Variants in SAMMSON observed in about 807,000 individuals in gnomAD.
SAMMSON encodes the protein long intergenic non-protein coding RNA 1212.
intron 3 of SAMMSON, among the ~76,000 whole-genome samples, chr3:70,019,159 T>C (rs1280939338): frequency 1.3e-5 from 2 of 152,212 alleles, no homozygotes; most frequent in Non-Finnish European, 2.9e-5. Flanking sequence ...GTCTCGTTGA[T>C]GTGTCTAATG....
At chr3:70,408,564 C>T (rs1288422467) in intron 2 of SAMMSON, among the ~76,000 whole-genome samples, 2 of 152,170 alleles carry the variant, frequency 1.3e-5, no homozygotes, top group Non-Finnish European at 1.5e-5. Context: ...ACAAGAGTCA[C>T]CTTTTCTCCA....
chr3:70,169,343 G>A (rs1263525789), intron 4 of SAMMSON, among the ~76,000 whole-genome samples: 1 of 151,984 alleles, frequency 6.6e-6, no homozygotes, highest in African/African-American at 2.4e-5. Context: ...TATCAAAAAA[G>A]CATATGACGT....
intron 6 of SAMMSON, among the ~76,000 whole-genome samples, chr3:70,280,182 T>C (rs1053922536): frequency 2.2e-4 from 34 of 152,126 alleles, no homozygotes; most frequent in African/African-American, 6.8e-4. Flanking sequence ...TCTGTCCCCA[T>C]GGTTGTATCA....
At chr3:70,406,579 G>A (rs1410768180) in intron 2 of SAMMSON, among the ~76,000 whole-genome samples, 2 of 152,154 alleles carry the variant, frequency 1.3e-5, no homozygotes, top group South Asian at 2.1e-4. Flanking sequence ...ATGGCAACAA[G>A]AGCACAAAGG....
chr3:70,023,662 C>T (rs1410803814), intron 3 of SAMMSON, among the ~76,000 whole-genome samples: 1 of 152,016 alleles, frequency 6.6e-6, no homozygotes, highest in South Asian at 2.1e-4. Context: ...CTCCTTGATT[C>T]AGTAATTATC....
intron 7 of SAMMSON, among the ~76,000 whole-genome samples, chr3:70,340,288 T>C (rs1362883545): frequency 6.6e-6 from 1 of 151,318 alleles, no homozygotes; most frequent in Non-Finnish European, 1.5e-5. Context: ...ATATACCTAA[T>C]GTAAATGATG....
At chr3:70,380,697 C>G (rs563930348) in intron 9 of SAMMSON, among the ~76,000 whole-genome samples, 1 of 152,064 alleles carries the variant, frequency 6.6e-6, no homozygotes, top group Non-Finnish European at 1.5e-5. Flanking sequence ...CCCCTCTCCC[C>G]CCTACCCCAC....
At chr3:70,013,103 C>A (rs1027553724) in intron 2 of SAMMSON, among the ~76,000 whole-genome samples, 3 of 151,988 alleles carry the variant, frequency 2.0e-5, no homozygotes, top group African/African-American at 7.3e-5. Flanking sequence ...CTACCTGTTC[C>A]TTTATTTAGG....
chr3:70,280,742 C>T (rs897058149), intron 6 of SAMMSON, among the ~76,000 whole-genome samples: 2 of 152,082 alleles, frequency 1.3e-5, no homozygotes, highest in African/African-American at 2.4e-5. Context: ...TCTTAGTTTC[C>T]CCCGCCTTTC....
chr3:70,044,186 T>C (rs1312407314), intron 3 of SAMMSON, among the ~76,000 whole-genome samples: 1 of 152,082 alleles, frequency 6.6e-6, no homozygotes, highest in Non-Finnish European at 1.5e-5. Flanking sequence ...CACTAATTAA[T>C]GCCAAGTGTA....
chr3:70,235,027 G>GC (rs2106747751), intron 4 of SAMMSON, among the ~76,000 whole-genome samples: 1 of 152,236 alleles, frequency 6.6e-6, no homozygotes, highest in South Asian at 2.1e-4. Flanking sequence ...GAGAACCTCT[G>GC]CCCCAAAGAG....
chr3:70,248,533 G>T (rs1226675195), intron 4 of SAMMSON, among the ~76,000 whole-genome samples: 1 of 151,968 alleles, frequency 6.6e-6, no homozygotes, highest in Non-Finnish European at 1.5e-5. Flanking sequence ...AAACAAAGGA[G>T]AATTTAAAAC....
At chr3:70,243,938 G>C (rs1407934650) in intron 4 of SAMMSON, among the ~76,000 whole-genome samples, 1 of 152,138 alleles carries the variant, frequency 6.6e-6, no homozygotes, top group Non-Finnish European at 1.5e-5. Context: ...GAGGAGGTAA[G>C]GGTCACCTTT....
intron 4 of SAMMSON, among the ~76,000 whole-genome samples, chr3:70,096,432 T>C (rs1181598308): frequency 6.6e-6 from 1 of 152,108 alleles, no homozygotes; most frequent in Non-Finnish European, 1.5e-5. Flanking sequence ...TAGTTCCAGC[T>C]ACTCAGGAGA....
intron 3 of SAMMSON, chr3:70,014,240 A>T (rs911921203): frequency 6.6e-6 from 1 of 152,286 alleles, no homozygotes; most frequent in East Asian, 1.9e-4. Flanking sequence ...GAGGGAATTC[A>T]GTTGGCTAAC....
intron 7 of SAMMSON, among the ~76,000 whole-genome samples, chr3:70,307,922 C>T (rs1353240794): frequency 6.6e-6 from 1 of 152,240 alleles, no homozygotes; most frequent in African/African-American, 2.4e-5. Flanking sequence ...CTTCCAGCCT[C>T]TGATGCCTTT....
intron 3 of SAMMSON, among the ~76,000 whole-genome samples, chr3:70,055,613 A>G (rs1327140054): frequency 6.6e-6 from 1 of 152,152 alleles, no homozygotes; most frequent in African/African-American, 2.4e-5. Flanking sequence ...TCTCAAATTT[A>G]TCGACATGCA....
intron 4 of SAMMSON, among the ~76,000 whole-genome samples, chr3:70,090,642 A>G (rs1162806845): frequency 9.9e-5 from 15 of 152,102 alleles, no homozygotes; most frequent in Admixed American, 9.8e-4. Context: ...TTAAACATTT[A>G]TGTAGAACAC....
chr3:70,186,782 A>G (rs1297619529), intron 4 of SAMMSON, among the ~76,000 whole-genome samples: 1 of 152,180 alleles, frequency 6.6e-6, no homozygotes, highest in African/African-American at 2.4e-5. Context: ...TATGAAAGCA[A>G]CTTTGCATTT....
Sources: allele counts gnomAD v4.1 joint callset (sites outside exome capture counted in the v4.1 genomes callset), GRCh38; gene constraint gnomAD v4.1.1; transcripts MANE v1.5; gene names NCBI Gene and HGNC (gene_info 2026-07-23, HGNC 2026-07-21).